The following RCAN1 variants were observed in gnomAD, a reference collection of about 807,000 sequenced individuals.
RCAN1 encodes regulator of calcineurin 1.
In RCAN1, 11 loss-of-function variants were observed where a neutral mutation model predicts 22.9. That is an observed-to-expected ratio of 0.48 (90% confidence interval 0.30 to 0.79). RCAN1 has a LOEUF of 0.79. Ranked by LOEUF, RCAN1 falls within the 30% of genes least tolerant of loss-of-function variation. The pLI is 0.06. For missense variants in RCAN1, 291 were observed against 337.8 expected (o/e 0.86, Z 1.09); for synonymous variants, 136 against 142.3 (o/e 0.96, Z 0.32).
At chr21:34,591,152 A>G (rs11702191) in intron 1 of RCAN1, among the ~76,000 whole-genome samples, 26,389 of 152,208 alleles carry the variant, frequency 0.17, 2,764 homozygotes, top group South Asian at 0.25. Context: ...GTATTTATGC[A>G]CCTACTATAT....
chr21:34,603,499 T>C (rs1275844165), intron 1 of RCAN1, among the ~76,000 whole-genome samples: 1 of 152,154 alleles, frequency 6.6e-6, no homozygotes, highest in Non-Finnish European at 1.5e-5. Flanking sequence ...AAAAAAGACC[T>C]GCTTTTGAGT....
chr21:34,532,989 C>T (rs1985477887), intron 1 of RCAN1, among the ~76,000 whole-genome samples: 1 of 145,632 alleles, frequency 6.9e-6, no homozygotes, highest in Non-Finnish European at 1.5e-5. Flanking sequence ...GAGACGGAGT[C>T]TTGCTCTGTC....
chr21:34,583,560 C>A (rs1789970272), intron 1 of RCAN1, among the ~76,000 whole-genome samples: 1 of 152,226 alleles, frequency 6.6e-6, no homozygotes, highest in Non-Finnish European at 1.5e-5. Context: ...TAGGCATGTG[C>A]GTGCACAGAG....
intron 1 of RCAN1, among the ~76,000 whole-genome samples, chr21:34,557,924 C>A (rs753941485): frequency 3.0e-4 from 46 of 152,104 alleles, no homozygotes; most frequent in Non-Finnish European, 5.6e-4. Context: ...AGGTGAGGAA[C>A]TAAGGCTACA....
chr21:34,613,374 T>A (rs1988731838), intron 1 of RCAN1, among the ~76,000 whole-genome samples: 1 of 152,260 alleles, frequency 6.6e-6, no homozygotes, highest in African/African-American at 2.4e-5. Flanking sequence ...TATTTACTGA[T>A]GCAGCCTCAG....
At chr21:34,539,569 C>T (rs1490730968) in intron 1 of RCAN1, among the ~76,000 whole-genome samples, 1 of 152,172 alleles carries the variant, frequency 6.6e-6, no homozygotes, top group African/African-American at 2.4e-5. Context: ...AACAAAAAAG[C>T]TTCTCCTTTC....
At chr21:34,521,193 TCAGG>T in intron 3 of RCAN1, 1 of 1,371,048 alleles carries the variant, frequency 7.3e-7, no homozygotes, top group Non-Finnish European at 9.4e-7. Flanking sequence ...GGGCCGGGGC[TCAGG>T]CCTCCCACGC....
intron 1 of RCAN1, among the ~76,000 whole-genome samples, chr21:34,552,537 T>A (rs945677604): frequency 1.3e-5 from 2 of 152,090 alleles, no homozygotes; most frequent in African/African-American, 4.8e-5. Context: ...TTTACGAGAT[T>A]TTTTCCAGAG....
intron 1 of RCAN1, among the ~76,000 whole-genome samples, chr21:34,542,287 T>C (rs919650820): frequency 6.6e-6 from 1 of 152,130 alleles, no homozygotes; most frequent in Non-Finnish European, 1.5e-5. Flanking sequence ...CCTTTGTGAG[T>C]GCCTCAAGTG....
At chr21:34,564,393 G>A (rs1986929000) in intron 1 of RCAN1, among the ~76,000 whole-genome samples, 1 of 152,190 alleles carries the variant, frequency 6.6e-6, no homozygotes, top group Non-Finnish European at 1.5e-5. Flanking sequence ...GAGGAACCCG[G>A]ACACTGTCCC....
At chr21:34,561,940 T>A (rs919933543) in intron 1 of RCAN1, among the ~76,000 whole-genome samples, 3 of 152,184 alleles carry the variant, frequency 2.0e-5, no homozygotes, top group Admixed American at 6.5e-5. Flanking sequence ...CGAGATCCTA[T>A]CCCTTCTCAT....
In RCAN1 at chr21:34,541,960, T is replaced by A. The variant is rs531986462; in HGVS notation, c.253-18250A>T. On this transcript the variant is annotated intron_variant, in intron 1 of 3. Coordinates refer to ENST00000313806, the MANE Select transcript of RCAN1 (RefSeq NM_004414.7). ...AAAAAAATAAAATAAATAAAAAAAA[T>A]TTTTTTAATGCTATTCATGCAACAC... 4.0e-3 allele frequency among the ~76,000 whole-genome samples: 613 copies of A among 151,996 alleles called. 5 individuals carry two copies. The highest frequency in any genetic ancestry group is 0.012 in the African/African-American group (515 of 41,388).
chr21:34,567,812 A>G (rs564269843), intron 1 of RCAN1, among the ~76,000 whole-genome samples: 91 of 152,312 alleles, frequency 6.0e-4, no homozygotes, highest in Non-Finnish European at 1.0e-3. Context: ...AAATCGCAAC[A>G]TAAGAGGAAA....
chr21:34,567,833 A>T (rs1568914091), intron 1 of RCAN1, among the ~76,000 whole-genome samples: 1 of 152,170 alleles, frequency 6.6e-6, no homozygotes. Context: ...ATGGGGTTGG[A>T]GCCACGAGGC....
At chr21:34,530,616 G>GTTTTTTTTTTTTTTTTTT (rs59150851) in intron 1 of RCAN1, among the ~76,000 whole-genome samples, 2 of 66,196 alleles carry the variant, frequency 3.0e-5, no homozygotes, top group African/African-American at 5.4e-5. Flanking sequence ...TAGTGAAATA[G>GTTTTTTTTTTTTTTTTTT]TTTTTTTTTT....
intron 1 of RCAN1, among the ~76,000 whole-genome samples, chr21:34,602,568 G>A (rs536563573): frequency 1.3e-5 from 2 of 151,410 alleles, no homozygotes; most frequent in East Asian, 1.9e-4. Context: ...TACTGATTGC[G>A]GACCAGACCA....
intron 1 of RCAN1, among the ~76,000 whole-genome samples, chr21:34,578,413 C>T (rs915323062): frequency 1.3e-5 from 2 of 152,166 alleles, no homozygotes; most frequent in African/African-American, 4.8e-5. Context: ...CAGCCATCAG[C>T]CAGCATCAGC....
chr21:34,537,475 G>A (rs894674584), intron 1 of RCAN1, among the ~76,000 whole-genome samples: 1 of 152,198 alleles, frequency 6.6e-6, no homozygotes, highest in Non-Finnish European at 1.5e-5. Context: ...GGCCCGGGGA[G>A]ATGTGGCCAC....
intron 1 of RCAN1, among the ~76,000 whole-genome samples, chr21:34,543,987 A>T (rs552802490): frequency 6.6e-6 from 1 of 152,242 alleles, no homozygotes; most frequent in Non-Finnish European, 1.5e-5. Flanking sequence ...ACTGAATCCT[A>T]TGAACTTCAG....
Sources: allele counts gnomAD v4.1 joint callset (sites outside exome capture counted in the v4.1 genomes callset), GRCh38; gene constraint gnomAD v4.1.1; transcripts MANE v1.5; gene names NCBI Gene and HGNC (gene_info 2026-07-23, HGNC 2026-07-21).